FGF2: variants seen among roughly 807,000 people sequenced by gnomAD.
The protein encoded by FGF2 is basic fibroblast growth factor bFGF.
In FGF2, 13 loss-of-function variants were observed where a neutral mutation model predicts 15.9. That is an observed-to-expected ratio of 0.82 (90% CI 0.53 to 1.30). FGF2 has a LOEUF of 1.30. Among genes scored for constraint, FGF2 ranks in the 50% most tolerant of loss-of-function variants. FGF2 has a pLI of 0.00. For missense variants in FGF2, 163 were observed against 196.9 expected (o/e 0.83, Z 1.03); for synonymous variants, 90 against 78.4 (o/e 1.15, Z -0.78).
chr4:122,853,935 T>C (rs2150772845), intron 1 of FGF2, among the ~76,000 whole-genome samples: 1 of 152,334 alleles, frequency 6.6e-6, no homozygotes, highest in South Asian at 2.1e-4. Flanking sequence ...ATCTTCACTA[T>C]TAAAAATAGA....
chr4:122,829,627 AT>A (rs1407938614), intron 1 of FGF2, among the ~76,000 whole-genome samples: 1 of 152,078 alleles, frequency 6.6e-6, no homozygotes, highest in Non-Finnish European at 1.5e-5. Flanking sequence ...TTTAGTGGTG[AT>A]TTGTGAAATT....
At chr4:122,854,141 GAGA>G (rs1405176490) in intron 1 of FGF2, among the ~76,000 whole-genome samples, 1 of 152,156 alleles carries the variant, frequency 6.6e-6, no homozygotes, top group Non-Finnish European at 1.5e-5. Context: ...TTTTGGATGT[GAGA>G]AGATTTTTTA....
At chr4:122,841,907 A>G (rs1281182326) in intron 1 of FGF2, among the ~76,000 whole-genome samples, 1 of 152,242 alleles carries the variant, frequency 6.6e-6, no homozygotes, top group Non-Finnish European at 1.5e-5. Flanking sequence ...AAAAATTAAC[A>G]GTTTGGATAT....
chr4:122,841,662 T>C (rs906328788), intron 1 of FGF2, among the ~76,000 whole-genome samples: 6 of 152,242 alleles, frequency 3.9e-5, no homozygotes, highest in African/African-American at 1.4e-4. Context: ...GCTGATCCTA[T>C]TTTCCAATTA....
intron 1 of FGF2, among the ~76,000 whole-genome samples, chr4:122,828,632 A>T (rs1438252007): frequency 1.3e-5 from 2 of 152,242 alleles, no homozygotes; most frequent in Non-Finnish European, 2.9e-5. Context: ...GTGAATTGGC[A>T]GAAGAATGGG....
chr4:122,894,498 G>T lies in FGF2; in HGVS notation c.*2102G>T, dbSNP rs962745161. On this transcript the variant is annotated 3_prime_UTR_variant, in exon 3 of 3. Transcript: ENST00000644866. ...CTTGGGAGGCTGAGGTGGGAGGGTT[G>T]ATCACTTGAGGCTGAGAGGTCAAGG... 1 of 152,174 alleles carries T rather than the reference G, an allele frequency of 6.6e-6. No homozygotes were observed. Among genetic ancestry groups the T allele is most frequent in the African/African-American group, 2.4e-5 (1 of 41,440 alleles). The allele number at this position is 152,174 out of a possible 1,614,324, so 9.4% of individuals were successfully genotyped here. A position where few individuals can be genotyped will look rare whatever the true frequency, so the allele number is the denominator to read the frequency against.
chr4:122,897,814 T>C lies in FGF2; in HGVS notation c.*5418T>C. ...TTAGTAATTGCATGCAAAATTTTTCTAGCTTCCATCCTTTCTCCCTCGTTT... is the reference window on the plus strand; with the variant it reads ...TTAGTAATTGCATGCAAAATTTTTCCAGCTTCCATCCTTTCTCCCTCGTTT... On this transcript the variant is annotated 3_prime_UTR_variant, in exon 3 of 3. Coordinates refer to ENST00000644866, the MANE Select transcript of FGF2 (RefSeq NM_001361665.2). 2 of 645,792 alleles carry C rather than the reference T, an allele frequency of 3.1e-6. No homozygotes were observed. The highest frequency in any genetic ancestry group is 5.6e-6 in the Non-Finnish European group (2 of 358,090). The allele number at this position is 645,792 out of a possible 1,614,324, so 40.0% of individuals were successfully genotyped here. A position where few individuals can be genotyped will look rare whatever the true frequency, so the allele number is the denominator to read the frequency against.
chr4:122,826,814 G>T, upstream of FGF2: 2 of 1,451,706 alleles, frequency 1.4e-6, no homozygotes, highest in Non-Finnish European at 1.8e-6. Flanking sequence ...AAGATGTGAC[G>T]CCGCGGCCCG....
At chr4:122,891,046 G>GTT (rs1174933282) in intron 2 of FGF2, among the ~76,000 whole-genome samples, 3,237 of 104,352 alleles carry the variant, frequency 0.031, 79 homozygotes, top group Non-Finnish European at 0.049. Flanking sequence ...GTTTTGTTTT[G>GTT]TTTTGTTTTT....
intron 2 of FGF2, chr4:122,882,175 A>G (rs1417268201): frequency 1.3e-5 from 2 of 152,190 alleles, no homozygotes; most frequent in African/African-American, 2.4e-5. Flanking sequence ...CAGCCAAACC[A>G]TATAACCTAG....
At chr4:122,877,156 C>G (rs1198327378) in intron 2 of FGF2, among the ~76,000 whole-genome samples, 1 of 150,674 alleles carries the variant, frequency 6.6e-6, no homozygotes, top group African/African-American at 2.4e-5. Context: ...ACTGCGCAGA[C>G]TGGAGTGCAG....
At chr4:122,828,133 T>C (rs1725687206) in intron 1 of FGF2, among the ~76,000 whole-genome samples, 1 of 152,212 alleles carries the variant, frequency 6.6e-6, no homozygotes, top group Non-Finnish European at 1.5e-5. Context: ...GCAGTTTTGC[T>C]TTCTGTAAGA....
intron 2 of FGF2, among the ~76,000 whole-genome samples, chr4:122,885,913 CTTT>C (rs11310783): frequency 3.4e-4 from 29 of 84,528 alleles, no homozygotes; most frequent in African/African-American, 5.6e-4. Context: ...TTTTTTTTTC[CTTT>C]TTTTTTTTTT....
rs746927339 is a variant in FGF2, at chr4:122,894,265, T to G, written c.*1869T>G. ...CTTACAATTGAGATTTGCCCATAGGTTAAACATGGTTAGAAACAACTGAAA... is the reference window on the plus strand; with the variant it reads ...CTTACAATTGAGATTTGCCCATAGGGTAAACATGGTTAGAAACAACTGAAA... On this transcript the variant is annotated 3_prime_UTR_variant, in exon 3 of 3. Coordinates refer to ENST00000644866, the MANE Select transcript of FGF2 (RefSeq NM_001361665.2). 2 of 152,178 alleles carry G rather than the reference T, an allele frequency of 1.3e-5. No individual in the cohort carries two copies. The highest frequency in any genetic ancestry group is 2.4e-5 in the African/African-American group (1 of 41,432). 9.4% of individuals were successfully genotyped at this position (152,178 alleles called of 1,614,324 possible). A position where few individuals can be genotyped will look rare whatever the true frequency, so the allele number is the denominator to read the frequency against.
chr4:122,868,199 G>A (rs984680000), intron 1 of FGF2, among the ~76,000 whole-genome samples: 13 of 151,996 alleles, frequency 8.6e-5, no homozygotes, highest in East Asian at 3.9e-4. Context: ...TATGCAGAAC[G>A]TGCACATAGG....
intron 1 of FGF2, among the ~76,000 whole-genome samples, chr4:122,855,586 G>A (rs935271092): frequency 3.9e-5 from 6 of 152,190 alleles, no homozygotes; most frequent in African/African-American, 1.4e-4. Flanking sequence ...AGAGCAGGTT[G>A]TCTAAACCAT....
In FGF2 at chr4:122,892,939, G is replaced by A. The variant is rs1175170658; in HGVS notation, c.*543G>A. ...GTTCTTCCACAGTCAGGTCAATTTT[G>A]TCAAACCCTTCTCTGTACCCATACA... is the stretch of plus-strand genomic sequence containing the variant. On this transcript the variant is annotated 3_prime_UTR_variant, in exon 3 of 3. Transcript: ENST00000644866. 6.2e-7 allele frequency: 1 copy of A among 1,614,118 alleles called. No individual in the cohort carries two copies. The highest frequency in any genetic ancestry group is 8.5e-7 in the Non-Finnish European group (1 of 1,180,024).
upstream of FGF2, chr4:122,826,687 C>T: frequency 2.4e-6 from 3 of 1,254,358 alleles, no homozygotes; most frequent in South Asian, 9.3e-5. Flanking sequence ...GTGTTGTGGC[C>T]GAACCGCCGA....
At chr4:122,857,354 TTCTC>T (rs2150774306) in intron 1 of FGF2, among the ~76,000 whole-genome samples, 1 of 152,328 alleles carries the variant, frequency 6.6e-6, no homozygotes, top group Admixed American at 6.5e-5. Context: ...AACTCCCCTT[TTCTC>T]TCTATCTCTG....
Sources: allele counts gnomAD v4.1 joint callset (sites outside exome capture counted in the v4.1 genomes callset), GRCh38; gene constraint gnomAD v4.1.1; transcripts MANE v1.5; gene names NCBI Gene and HGNC (gene_info 2026-07-23, HGNC 2026-07-21).